Variants in NTNG1 observed in about 807,000 individuals in gnomAD.
NTNG1 encodes the protein netrin-G1.
Under a neutral mutation model 54.0 loss-of-function variants are expected in NTNG1, and 16 were observed. That is an observed-to-expected ratio of 0.30 (90% CI 0.20 to 0.45). The LOEUF (loss-of-function observed/expected upper bound fraction) is 0.45, where lower values mean the gene tolerates loss of function less well. NTNG1 is among the 20% of genes least tolerant of loss of function. NTNG1 has a pLI of 1.00. For missense variants in NTNG1, 530 were observed against 678.7 expected, an observed-to-expected ratio of 0.78 and a Z score of 2.43; for synonymous variants, 255 against 263.1, an observed-to-expected ratio of 0.97 and a Z score of 0.30.
Position 107,306,217 on chromosome 1 carries a change from T to C in NTNG1, c.247-18065T>C, listed in dbSNP as rs372207712. Among the ~76,000 whole-genome samples the C allele has an allele frequency of 2.6e-5, 4 of 152,374 alleles. No individual in the cohort carries two copies. In the East Asian group the frequency reaches 7.7e-4, roughly 29 times the overall value. On this transcript the variant is annotated intron_variant, in intron 2 of 7. Coordinates refer to ENST00000370068, the MANE Select transcript of NTNG1 (RefSeq NM_001113226.3). ...TGAAACAGGTAAAATAATTTTAATA[T>C]GTTTTATTTAACCTAATATATTTAA...
chr1:107,291,328 AT>A (rs1282762383), intron 2 of NTNG1, among the ~76,000 whole-genome samples: 1 of 152,116 alleles, frequency 6.6e-6, no homozygotes, highest in Non-Finnish European at 1.5e-5. Context: ...TGTGTAACCA[AT>A]TCTTTATTTT....
chr1:107,275,124 C>G (rs1664381271), intron 2 of NTNG1, among the ~76,000 whole-genome samples: 1 of 152,142 alleles, frequency 6.6e-6, no homozygotes, highest in Admixed American at 6.5e-5. Context: ...CACCAGTAAT[C>G]CCAGCACTTT....
intron 7 of NTNG1, 35 bp from the exon 8 acceptor site, chr1:107,480,576 G>GCCCCCCCCCCCCCT: frequency 2.9e-6 from 1 of 339,098 alleles, no homozygotes. Flanking sequence ...TCCTCCCCGC[G>GCCCCCCCCCCCCCT]CCCACCCACC....
At chr1:107,159,563 TTCTAAGTAAGTAG>T (rs1486264974) in intron 2 of NTNG1, among the ~76,000 whole-genome samples, 3 of 152,182 alleles carry the variant, frequency 2.0e-5, no homozygotes, top group Non-Finnish European at 4.4e-5. Flanking sequence ...TAAATAATTA[TTCTAAGTAAGTAG>T]TGCAAACAGG....
chr1:107,206,994 A>T (rs1020547218), intron 2 of NTNG1, among the ~76,000 whole-genome samples: 1 of 152,186 alleles, frequency 6.6e-6, no homozygotes, highest in Non-Finnish European at 1.5e-5. Context: ...TCATCTTGTG[A>T]GATTTCTGCC....
intron 3 of NTNG1, among the ~76,000 whole-genome samples, chr1:107,360,103 C>A (rs1219023865): frequency 6.6e-6 from 1 of 152,172 alleles, no homozygotes; most frequent in Non-Finnish European, 1.5e-5. Context: ...TGACAACCGA[C>A]CAACCCTTTG....
intron 2 of NTNG1, among the ~76,000 whole-genome samples, chr1:107,318,998 G>A (rs189356186): frequency 6.6e-6 from 1 of 152,108 alleles, no homozygotes; most frequent in African/African-American, 2.4e-5. Context: ...TATGTTTGTG[G>A]TGCTGATCTT....
At chr1:107,232,123 A>G (rs1262513566) in intron 2 of NTNG1, among the ~76,000 whole-genome samples, 1 of 152,202 alleles carries the variant, frequency 6.6e-6, no homozygotes, top group Non-Finnish European at 1.5e-5. Context: ...GAATGAAGGG[A>G]CACAATGTGT....
chr1:107,273,677 A>G (rs12121181), intron 2 of NTNG1, among the ~76,000 whole-genome samples: 16,956 of 152,150 alleles, frequency 0.11, 1,779 homozygotes, highest in African/African-American at 0.28. Flanking sequence ...GAACTTTGCA[A>G]TGTGAATTAT....
At chr1:107,356,213 A>G (rs916880476) in intron 3 of NTNG1, among the ~76,000 whole-genome samples, 9 of 152,196 alleles carry the variant, frequency 5.9e-5, no homozygotes, top group Admixed American at 3.9e-4. Flanking sequence ...ATCCGATGCT[A>G]AGATTAAAAT....
intron 3 of NTNG1, among the ~76,000 whole-genome samples, chr1:107,391,604 G>A (rs552091078): frequency 6.6e-6 from 1 of 152,272 alleles, no homozygotes; most frequent in South Asian, 2.1e-4. Context: ...CGTGATGCCT[G>A]CATCTGCTCA....
At chr1:107,468,536 T>A (rs998215363) in intron 7 of NTNG1, among the ~76,000 whole-genome samples, 1 of 152,208 alleles carries the variant, frequency 6.6e-6, no homozygotes, top group Admixed American at 6.5e-5. Flanking sequence ...CTTTCATAAT[T>A]CCAACATCAT....
intron 2 of NTNG1, among the ~76,000 whole-genome samples, chr1:107,193,989 C>T (rs764863709): frequency 3.9e-5 from 6 of 151,946 alleles, no homozygotes; most frequent in Non-Finnish European, 5.9e-5. Context: ...GAATTCTTGC[C>T]CAGGATTTTA....
intron 6 of NTNG1, among the ~76,000 whole-genome samples, chr1:107,434,948 A>G (rs1675506222): frequency 1.3e-5 from 2 of 152,164 alleles, no homozygotes; most frequent in Admixed American, 1.3e-4. Flanking sequence ...GCAAAACATT[A>G]CACTTACCCA....
chr1:107,459,439 C>T lies in NTNG1; in HGVS notation c.1391-21172C>T, dbSNP rs17019110. ...GCTGTTGGAGAGTCTTTGAAAATAC[C>T]CTTGCCAGTATACAGAGATGTCAGC... On this transcript the variant is annotated intron_variant, in intron 7 of 7. Coordinates refer to ENST00000370068, the MANE Select transcript of NTNG1 (RefSeq NM_001113226.3). Among the ~76,000 whole-genome samples, 960 of 152,032 alleles carry T rather than the reference C, an allele frequency of 6.3e-3. 16 individuals are homozygous for T. The highest frequency in any genetic ancestry group is 0.022 in the African/African-American group (923 of 41,450).
chr1:107,333,918 A>C (rs1389859462), intron 3 of NTNG1: 1 of 151,560 alleles, frequency 6.6e-6, no homozygotes, highest in Non-Finnish European at 1.5e-5. Flanking sequence ...CTGTATTGGA[A>C]TAAATAGGGA....
At position 107,368,848 on chromosome 1, in the gene NTNG1, C is replaced by A. The variant is rs1033856796; in HGVS notation, c.888-26306C>A. On this transcript the variant is annotated intron_variant, in intron 3 of 7. Coordinates refer to ENST00000370068, the MANE Select transcript of NTNG1 (RefSeq NM_001113226.3). ...GTTTTATTGAAATGTAATTGACATA[C>A]AATAAACTGCACATATTTGAAATGT... Among the ~76,000 whole-genome samples the A allele has an allele frequency of 5.3e-5, 8 of 152,126 alleles. 1 individual carries two copies. The highest frequency in any genetic ancestry group is 1.9e-4 in the African/African-American group (8 of 41,432).
intron 1 of NTNG1, among the ~76,000 whole-genome samples, chr1:107,141,980 C>T (rs1653764175): frequency 6.6e-6 from 1 of 152,098 alleles, no homozygotes; most frequent in Non-Finnish European, 1.5e-5. Context: ...TTTTAATCGC[C>T]TTTATTGGTG....
intron 2 of NTNG1, among the ~76,000 whole-genome samples, chr1:107,166,562 C>G (rs990763432): frequency 3.9e-5 from 6 of 152,014 alleles, no homozygotes; most frequent in African/African-American, 1.4e-4. Flanking sequence ...TATTTGCAAG[C>G]TCAGTGATCA....
Sources: gnomAD v4.1 joint callset for allele counts (sites outside exome capture counted in the v4.1 genomes callset) on GRCh38, gnomAD v4.1.1 for gene constraint, MANE v1.5 for transcripts, NCBI Gene and HGNC (gene_info 2026-07-23, HGNC 2026-07-21) for gene names.